Variants in CTIF observed in about 807,000 individuals in gnomAD.
CTIF encodes cap binding complex dependent translation initiation factor, also known as CBP80/20-dependent translation initiation factor.
In CTIF, 21 loss-of-function variants were observed where a neutral mutation model predicts 66.0. The ratio of observed to expected loss-of-function variants is 0.32; its 90% CI spans 0.23 to 0.46. The LOEUF (loss-of-function observed/expected upper bound fraction) is 0.46. Ranked by LOEUF, CTIF falls within the 20% of genes least tolerant of loss-of-function variation. The pLI, the probability that CTIF is intolerant of heterozygous loss-of-function variation, is 1.00. For missense variants in CTIF, 739 were observed against 812.7 expected (o/e 0.91, Z 1.10); for synonymous variants, 345 against 326.4 (o/e 1.06, Z -0.62).
chr18:48,603,125 G>A (rs1443064782), intron 1 of CTIF, among the ~76,000 whole-genome samples: 2 of 144,930 alleles, frequency 1.4e-5, no homozygotes, highest in African/African-American at 2.6e-5. Flanking sequence ...ATGGATGAAT[G>A]GATGGCTAGA....
intron 7 of CTIF, among the ~76,000 whole-genome samples, chr18:48,739,007 G>T (rs956087036): frequency 1.3e-5 from 2 of 152,172 alleles, no homozygotes; most frequent in African/African-American, 4.8e-5. Context: ...ACCCCAGGAA[G>T]TCTTAGCCTC....
chr18:48,682,008 A>T (rs1027406041), intron 6 of CTIF, among the ~76,000 whole-genome samples: 2 of 151,126 alleles, frequency 1.3e-5, no homozygotes, highest in Non-Finnish European at 2.9e-5. Flanking sequence ...CTGGTCTTGA[A>T]CTCCTGAGCT....
At chr18:48,638,328 G>T (rs2090861856) in intron 3 of CTIF, among the ~76,000 whole-genome samples, 1 of 152,150 alleles carries the variant, frequency 6.6e-6, no homozygotes, top group South Asian at 2.1e-4. Context: ...TCTGCTGTTT[G>T]GTCAGCAGGT....
chr18:48,829,746 C>T (rs887407789), intron 10 of CTIF, among the ~76,000 whole-genome samples: 4 of 152,192 alleles, frequency 2.6e-5, no homozygotes, highest in African/African-American at 7.2e-5. Flanking sequence ...CACTAAGAGC[C>T]GAGGGTGAAT....
chr18:48,680,375 A>G (rs754057085), intron 6 of CTIF, among the ~76,000 whole-genome samples: 12 of 152,256 alleles, frequency 7.9e-5, no homozygotes, highest in Non-Finnish European at 1.6e-4. Context: ...AAAGAAGGCC[A>G]GATTGAGGAC....
intron 10 of CTIF, among the ~76,000 whole-genome samples, chr18:48,824,013 C>CACACACAG (rs139376550): frequency 0.059 from 8,652 of 146,678 alleles, 358 homozygotes; most frequent in East Asian, 0.18. Flanking sequence ...CACACACACA[C>CACACACAG]AAACTGCTAG....
intron 10 of CTIF, among the ~76,000 whole-genome samples, chr18:48,827,976 A>G (rs528516622): frequency 1.6e-4 from 24 of 151,924 alleles, no homozygotes; most frequent in Non-Finnish European, 2.4e-4. Flanking sequence ...CCTCCTCAAG[A>G]TAGAACTGGA....
At chr18:48,668,523 G>A (rs1413153909) in intron 5 of CTIF, among the ~76,000 whole-genome samples, 3 of 152,196 alleles carry the variant, frequency 2.0e-5, no homozygotes, top group Admixed American at 6.5e-5. Flanking sequence ...GACAGCCGGG[G>A]GCCGGGGGAA....
intron 10 of CTIF, among the ~76,000 whole-genome samples, chr18:48,841,226 G>A (rs917032929): frequency 2.0e-5 from 3 of 152,218 alleles, no homozygotes. Flanking sequence ...GGTTGGCATA[G>A]CCTTGCAGAT....
intron 3 of CTIF, among the ~76,000 whole-genome samples, chr18:48,658,889 T>G (rs2091291177): frequency 6.6e-6 from 1 of 152,110 alleles, no homozygotes; most frequent in African/African-American, 2.4e-5. Flanking sequence ...GAAGGACATG[T>G]GAAAACGTTG....
intron 10 of CTIF, among the ~76,000 whole-genome samples, chr18:48,837,747 T>C (rs1052783494): frequency 1.1e-4 from 17 of 152,068 alleles, no homozygotes; most frequent in Non-Finnish European, 2.4e-4. Context: ...GCTGGATCTG[T>C]TTCTCTCCTA....
intron 1 of CTIF, among the ~76,000 whole-genome samples, chr18:48,586,418 A>T (rs2089770322): frequency 6.6e-6 from 1 of 151,842 alleles, no homozygotes; most frequent in South Asian, 2.1e-4. Context: ...TTACAGGCGT[A>T]TGCCACCATG....
chr18:48,620,587 GGGAATGTT>G (rs1308967549), intron 2 of CTIF, among the ~76,000 whole-genome samples: 1 of 152,128 alleles, frequency 6.6e-6, no homozygotes, highest in Admixed American at 6.6e-5. Flanking sequence ...CTGTTGCCTC[GGGAATGTT>G]GGAAGGTCAA....
At chr18:48,784,192 C>T (rs948676437) in intron 9 of CTIF, among the ~76,000 whole-genome samples, 1 of 152,224 alleles carries the variant, frequency 6.6e-6, no homozygotes, top group African/African-American at 2.4e-5. Flanking sequence ...TCGCGGCACA[C>T]CCAGACGGCC....
At chr18:48,578,939 C>T (rs1334893996) in intron 1 of CTIF, among the ~76,000 whole-genome samples, 1 of 152,134 alleles carries the variant, frequency 6.6e-6, no homozygotes, top group Non-Finnish European at 1.5e-5. Context: ...CAACAATTTA[C>T]TTTTGTTTTC....
rs369705556 is a variant in CTIF at position 48,818,346 on chromosome 18, G to A, written c.1527+970G>A. ...GTTAGAGCCAGCAGGACTCGGTAAT[G>A]TGAGTTGGAGGGAAGGGAGGAGGGG... On this transcript the variant is annotated intron_variant, in intron 10 of 11. Coordinates refer to ENST00000256413, the MANE Select transcript of CTIF (RefSeq NM_014772.3). Among the ~76,000 whole-genome samples the A allele has an allele frequency of 5.3e-5, 8 of 152,350 alleles. No individual in the cohort carries two copies. In the South Asian group the frequency reaches 1.4e-3, roughly 28 times the overall value.
chr18:48,580,676 C>T (rs755758451), intron 1 of CTIF, among the ~76,000 whole-genome samples: 5 of 152,204 alleles, frequency 3.3e-5, no homozygotes, highest in Non-Finnish European at 7.3e-5. Flanking sequence ...GACTGTCATT[C>T]CCCTGTTTAC....
chr18:48,855,216 G>A (rs1462950640), intron 10 of CTIF, among the ~76,000 whole-genome samples: 2 of 152,228 alleles, frequency 1.3e-5, no homozygotes, highest in Admixed American at 6.5e-5. Flanking sequence ...GAACAGGACT[G>A]TGTTGAGATC....
intron 5 of CTIF, among the ~76,000 whole-genome samples, chr18:48,666,121 T>A (rs1389854760): frequency 6.6e-6 from 1 of 152,210 alleles, no homozygotes; most frequent in Admixed American, 6.5e-5. Flanking sequence ...TTGTGTTTTT[T>A]TTTCTTTCTT....
Sources: allele counts gnomAD v4.1 joint callset (sites outside exome capture counted in the v4.1 genomes callset), GRCh38; gene constraint gnomAD v4.1.1; transcripts MANE v1.5; gene names NCBI Gene and HGNC (gene_info 2026-07-23, HGNC 2026-07-21).